Variants in ANKS1B observed in about 807,000 individuals in gnomAD.
ANKS1B encodes ankyrin repeat and sterile alpha motif domain containing 1B.
In ANKS1B, 36 loss-of-function variants were observed where a neutral mutation model predicts 148.3. The observed-to-expected ratio is 0.24, with a 90% CI of 0.19 to 0.32. The LOEUF (loss-of-function observed/expected upper bound fraction) is 0.32, where lower values mean the gene tolerates loss of function less well. ANKS1B is among the 10% of genes least tolerant of loss of function. The probability of loss-of-function intolerance (pLI) is 1.00; values close to 1 mark genes in which losing one functional copy is unlikely to be tolerated. For synonymous variants in ANKS1B, 542 were observed against 560.8 expected (o/e 0.97, Z 0.47); for missense variants, 1,157 against 1,542.6 (o/e 0.75, Z 4.19).
chr12:99,579,498 C>A (rs1424927014), intron 9 of ANKS1B, among the ~76,000 whole-genome samples: 1 of 151,758 alleles, frequency 6.6e-6, no homozygotes. Context: ...ATAACAAAAT[C>A]AACAACAAAA....
chr12:99,745,234 A>G (rs948045835), intron 8 of ANKS1B, among the ~76,000 whole-genome samples: 1 of 152,202 alleles, frequency 6.6e-6, no homozygotes, highest in Non-Finnish European at 1.5e-5. Context: ...ATAAGTGCAC[A>G]TGCATAAAGA....
chr12:99,337,478 C>T (rs149313008), intron 12 of ANKS1B, among the ~76,000 whole-genome samples: 209 of 152,208 alleles, frequency 1.4e-3, no homozygotes, highest in African/African-American at 4.7e-3. Context: ...ACATATCTGT[C>T]TCTCCAGGAT....
At chr12:99,273,869 G>A (rs565589695) in intron 12 of ANKS1B, among the ~76,000 whole-genome samples, 2 of 152,204 alleles carry the variant, frequency 1.3e-5, no homozygotes, top group South Asian at 4.1e-4. Context: ...ACAGGTGTAA[G>A]CCACGGCACC....
chr12:99,846,819 G>C (rs2086742018), intron 1 of ANKS1B, among the ~76,000 whole-genome samples: 1 of 152,108 alleles, frequency 6.6e-6, no homozygotes, highest in Non-Finnish European at 1.5e-5. Flanking sequence ...GAAATCTTTT[G>C]AGAGATATGA....
intron 2 of ANKS1B, among the ~76,000 whole-genome samples, chr12:99,823,711 A>G (rs986673844): frequency 2.0e-5 from 3 of 152,222 alleles, no homozygotes; most frequent in African/African-American, 7.2e-5. Flanking sequence ...TAAGATTCTT[A>G]TAGTTTGAGA....
chr12:99,319,792 G>A (rs1167273136), intron 12 of ANKS1B, among the ~76,000 whole-genome samples: 1 of 152,162 alleles, frequency 6.6e-6, no homozygotes, highest in African/African-American at 2.4e-5. Context: ...AGCATCGATG[G>A]TCTTTACAAT....
chr12:99,320,222 A>C (rs1321630437), intron 12 of ANKS1B, among the ~76,000 whole-genome samples: 4 of 152,118 alleles, frequency 2.6e-5, no homozygotes, highest in African/African-American at 9.7e-5. Context: ...GTATCTCCTG[A>C]ATTTGAATGT....
At chr12:98,976,811 T>C (rs564508600) in intron 17 of ANKS1B, among the ~76,000 whole-genome samples, 10 of 152,362 alleles carry the variant, frequency 6.6e-5, no homozygotes, top group South Asian at 2.1e-4. Context: ...AGAACGTGAA[T>C]TGATAAAAGT....
chr12:99,448,634 T>C (rs2095675735), intron 10 of ANKS1B, among the ~76,000 whole-genome samples: 1 of 152,172 alleles, frequency 6.6e-6, no homozygotes, highest in Non-Finnish European at 1.5e-5. Context: ...AATTTAGCTA[T>C]TCCACAATGT....
intron 1 of ANKS1B, among the ~76,000 whole-genome samples, chr12:99,980,656 G>A (rs1172607874): frequency 6.6e-6 from 1 of 152,010 alleles, no homozygotes; most frequent in Non-Finnish European, 1.5e-5. Flanking sequence ...GTAGAGAAAA[G>A]TATGAAAACT....
intron 15 of ANKS1B, among the ~76,000 whole-genome samples, chr12:99,143,251 G>A (rs1397827835): frequency 1.3e-5 from 2 of 152,110 alleles, no homozygotes; most frequent in East Asian, 1.9e-4. Context: ...TCAAGGGGCA[G>A]AAATCAGTGA....
intron 9 of ANKS1B, among the ~76,000 whole-genome samples, chr12:99,622,999 C>T (rs193274492): frequency 1.3e-5 from 2 of 151,938 alleles, no homozygotes; most frequent in Non-Finnish European, 2.9e-5. Context: ...TGTAAAAATG[C>T]TCAACAAAAT....
intron 1 of ANKS1B, among the ~76,000 whole-genome samples, chr12:99,899,003 G>A (rs980123219): frequency 2.0e-5 from 3 of 152,160 alleles, no homozygotes; most frequent in Admixed American, 6.5e-5. Context: ...TGAAGTCAGA[G>A]AGATTAATAA....
At chr12:99,881,951 AG>A (rs1378018118) in intron 1 of ANKS1B, among the ~76,000 whole-genome samples, 2 of 152,248 alleles carry the variant, frequency 1.3e-5, no homozygotes, top group African/African-American at 4.8e-5. Flanking sequence ...ACATAGAGGA[AG>A]AAATTTCACA....
rs1317002114 is a variant in ANKS1B at position 99,170,025 on chromosome 12, TC to T, written c.2420-15631del. ...TTACTTTGTTGTTGTTTATTCTCCT[TC>T]CCCCCTTCACCTTACATTCATTATT... On this transcript the variant is annotated intron_variant, in intron 14 of 26. Coordinates refer to ENST00000683438, the MANE Select transcript of ANKS1B (RefSeq NM_001352186.2). 2.0e-5 allele frequency among the ~76,000 whole-genome samples: 3 copies of T among 152,140 alleles called. No homozygotes were observed. In the South Asian group the frequency reaches 6.2e-4, roughly 32 times the overall value.
chr12:99,614,312 G>A (rs960743615), intron 9 of ANKS1B, among the ~76,000 whole-genome samples: 8 of 152,072 alleles, frequency 5.3e-5, no homozygotes, highest in Non-Finnish European at 1.2e-4. Flanking sequence ...GTGCATGCCT[G>A]TAGTCCCAGC....
intron 3 of ANKS1B, 65 bp downstream of exon 3, chr12:99,812,090 T>G: frequency 6.6e-7 from 1 of 1,513,970 alleles, no homozygotes; most frequent in Non-Finnish European, 8.9e-7. Flanking sequence ...AATCACATTT[T>G]CAATATGGCT....
intron 16 of ANKS1B, among the ~76,000 whole-genome samples, chr12:99,083,508 C>T (rs1200477174): frequency 6.6e-6 from 1 of 152,190 alleles, no homozygotes; most frequent in Non-Finnish European, 1.5e-5. Flanking sequence ...GCCTGACACA[C>T]ACTGACCCAA....
intron 17 of ANKS1B, among the ~76,000 whole-genome samples, chr12:99,036,949 C>T (rs2099955933): frequency 6.6e-6 from 1 of 152,148 alleles, no homozygotes; most frequent in Non-Finnish European, 1.5e-5. Context: ...CTCTGTGTCA[C>T]AGATTAATTG....
Sources: allele counts gnomAD v4.1 joint callset (sites outside exome capture counted in the v4.1 genomes callset), GRCh38; gene constraint gnomAD v4.1.1; transcripts MANE v1.5; gene names NCBI Gene and HGNC (gene_info 2026-07-23, HGNC 2026-07-21).